Variants in DNER observed in about 807,000 individuals in gnomAD.
DNER encodes delta/notch like EGF repeat containing.
Under a neutral mutation model 78.2 loss-of-function variants are expected in DNER, and 33 were observed. That is an observed-to-expected ratio of 0.42 (90% CI 0.32 to 0.56). The LOEUF is 0.56. Ranked by LOEUF, DNER falls within the 20% of genes least tolerant of loss-of-function variation. The pLI, the probability that DNER is intolerant of heterozygous loss-of-function variation, is 0.11. For synonymous variants in DNER, 417 were observed against 384.8 expected (o/e 1.08, Z -0.98); for missense variants, 918 against 975.3 (o/e 0.94, Z 0.78).
At chr2:229,511,371 C>A (rs1028342181) in intron 6 of DNER, among the ~76,000 whole-genome samples, 1 of 152,188 alleles carries the variant, frequency 6.6e-6, no homozygotes, top group Non-Finnish European at 1.5e-5. Flanking sequence ...AAATGCCATT[C>A]CTGCTCCTGA....
At chr2:229,592,583 A>G (rs1697627651) in intron 1 of DNER, among the ~76,000 whole-genome samples, 1 of 152,096 alleles carries the variant, frequency 6.6e-6, no homozygotes, top group Non-Finnish European at 1.5e-5. Flanking sequence ...ATGAGAACTC[A>G]GTCATATGTG....
chr2:229,625,931 T>G (rs1698334574), intron 1 of DNER, among the ~76,000 whole-genome samples: 1 of 151,798 alleles, frequency 6.6e-6, no homozygotes, highest in African/African-American at 2.4e-5. Context: ...TTTTTTGTTT[T>G]TTTTTTGAGA....
At chr2:229,641,206 G>T in intron 1 of DNER, among the ~76,000 whole-genome samples, 1 of 152,298 alleles carries the variant, frequency 6.6e-6, no homozygotes, top group South Asian at 2.1e-4. Context: ...ACACGCAGTC[G>T]TGAGCAAGGC....
intron 7 of DNER, among the ~76,000 whole-genome samples, chr2:229,456,698 T>C (rs1229052088): frequency 6.6e-6 from 1 of 152,058 alleles, no homozygotes; most frequent in Admixed American, 6.5e-5. Context: ...TGAAAGAAGT[T>C]GGCAAGCACC....
intron 5 of DNER, among the ~76,000 whole-genome samples, chr2:229,539,783 G>C (rs2154213033): frequency 6.6e-6 from 1 of 152,296 alleles, no homozygotes; most frequent in Admixed American, 6.5e-5. Context: ...TTCCAAAGGA[G>C]GTTCTCCATG....
At chr2:229,616,637 C>G in intron 1 of DNER, among the ~76,000 whole-genome samples, 1 of 152,206 alleles carries the variant, frequency 6.6e-6, no homozygotes, top group East Asian at 1.9e-4. Context: ...TCTCTATCCA[C>G]TTGTGGTCAT....
chr2:229,403,492 G>T (rs1693313472), intron 10 of DNER, among the ~76,000 whole-genome samples: 1 of 152,110 alleles, frequency 6.6e-6, no homozygotes, highest in Non-Finnish European at 1.5e-5. Flanking sequence ...TTTCCATGGA[G>T]CATCTCCTGG....
At chr2:229,495,443 G>A (rs1453105922) in intron 6 of DNER, among the ~76,000 whole-genome samples, 2 of 152,164 alleles carry the variant, frequency 1.3e-5, no homozygotes, top group Non-Finnish European at 2.9e-5. Context: ...TAAGAACCAG[G>A]AGAGATGGTG....
intron 3 of DNER, 138 bp downstream of exon 3, chr2:229,588,256 G>GA (rs1697535910): frequency 4.4e-5 from 31 of 704,324 alleles, no homozygotes; most frequent in Non-Finnish European, 1.4e-5. Flanking sequence ...TCAAATGGCA[G>GA]GGGCCACATC....
chr2:229,656,397 C>G (rs1698912773), intron 1 of DNER, among the ~76,000 whole-genome samples: 1 of 152,188 alleles, frequency 6.6e-6, no homozygotes, highest in Non-Finnish European at 1.5e-5. Context: ...CTACCTCATA[C>G]TGTTGTTGGG....
In DNER at chr2:229,626,586, A is replaced by G. The variant is rs144078888; in HGVS notation, c.277-34698T>C. 1.7e-3 allele frequency among the ~76,000 whole-genome samples: 256 copies of G among 152,348 alleles called. 2 individuals carry two copies. The highest frequency in any genetic ancestry group is 2.9e-3 in the Admixed American group (45 of 15,306). On this transcript the variant is annotated intron_variant, in intron 1 of 12. Coordinates refer to ENST00000341772, the MANE Select transcript of DNER (RefSeq NM_139072.4). ...GAAAGGGCTGGAACATGCTGAAACT[A>G]TAAAAGAAGCAACATTTTCCTATAC...
chr2:229,705,898 T>C lies in DNER; in HGVS notation c.276+8250A>G, dbSNP rs1036077512. Among the ~76,000 whole-genome samples, 13 of 152,282 alleles carry C rather than the reference T, an allele frequency of 8.5e-5. No homozygotes were observed. The East Asian group carries it at 2.5e-3, about 29-fold the overall frequency. On this transcript the variant is annotated intron_variant, in intron 1 of 12. Transcript: ENST00000341772. ...CACCCCAAACCCCTCCAGTTAGCAT[T>C]TCTTTTCCCTGCCTCACATACTTCC...
intron 10 of DNER, among the ~76,000 whole-genome samples, chr2:229,395,888 ACT>A (rs1423759278): frequency 6.6e-6 from 1 of 151,896 alleles, no homozygotes; most frequent in Non-Finnish European, 1.5e-5. Context: ...ACAGAGCAAG[ACT>A]CTGTCTCAAA....
intron 4 of DNER, among the ~76,000 whole-genome samples, chr2:229,547,726 T>G (rs1460423306): frequency 6.6e-6 from 1 of 152,226 alleles, no homozygotes; most frequent in Non-Finnish European, 1.5e-5. Flanking sequence ...GTTTTAGCCA[T>G]CTAATAAAAT....
intron 1 of DNER, among the ~76,000 whole-genome samples, chr2:229,680,244 G>A (rs1031546317): frequency 2.6e-5 from 4 of 152,174 alleles, no homozygotes; most frequent in African/African-American, 7.2e-5. Flanking sequence ...CGCAGAAGGA[G>A]TATGGACACA....
At chr2:229,639,282 T>A (rs1199482066) in intron 1 of DNER, among the ~76,000 whole-genome samples, 2 of 152,168 alleles carry the variant, frequency 1.3e-5, no homozygotes, top group African/African-American at 4.8e-5. Context: ...TGAGATGGAG[T>A]CTCACTCTGT....
At chr2:229,473,233 C>T (rs1309100123) in intron 7 of DNER, among the ~76,000 whole-genome samples, 7 of 152,188 alleles carry the variant, frequency 4.6e-5, no homozygotes, top group African/African-American at 7.2e-5. Context: ...TAACTTCTCA[C>T]TTTTTCCAGA....
intron 1 of DNER, among the ~76,000 whole-genome samples, chr2:229,675,278 C>T (rs779866806): frequency 6.6e-6 from 1 of 152,138 alleles, no homozygotes; most frequent in Non-Finnish European, 1.5e-5. Flanking sequence ...GAACTGCTGC[C>T]GATGATGTCA....
intron 9 of DNER, among the ~76,000 whole-genome samples, chr2:229,413,037 T>C (rs1693556910): frequency 6.6e-6 from 1 of 152,302 alleles, no homozygotes; most frequent in African/African-American, 2.4e-5. Flanking sequence ...ATTATTTATA[T>C]GGAATTTACT....
Sources: allele counts gnomAD v4.1 joint callset (sites outside exome capture counted in the v4.1 genomes callset), GRCh38; gene constraint gnomAD v4.1.1; transcripts MANE v1.5; gene names NCBI Gene and HGNC (gene_info 2026-07-23, HGNC 2026-07-21).